Variants in VIT observed in about 807,000 individuals in gnomAD.
VIT encodes the protein vitrin.
A neutral mutation model predicts 78.0 loss-of-function variants in VIT; 99 were observed. That is an observed-to-expected ratio of 1.27 (90% confidence interval 1.08 to 1.50). The LOEUF (loss-of-function observed/expected upper bound fraction) is 1.50, where lower values mean the gene tolerates loss of function less well. VIT is among the 40% of genes most tolerant of loss of function. The pLI, the probability that VIT is intolerant of heterozygous loss-of-function variation, is 0.00. For missense variants in VIT, 1,126 were observed against 875.3 expected, an observed-to-expected ratio of 1.29 and a Z score of -3.61; for synonymous variants, 374 against 334.3, an observed-to-expected ratio of 1.12 and a Z score of -1.29.
At chr2:36,799,450 C>T (rs1330350127) in intron 12 of VIT, among the ~76,000 whole-genome samples, 3 of 152,190 alleles carry the variant, frequency 2.0e-5, no homozygotes, top group Non-Finnish European at 4.4e-5. Context: ...TGGTGGCTCA[C>T]ATCTGTAATC....
intron 3 of VIT, among the ~76,000 whole-genome samples, chr2:36,732,039 A>G (rs1299426060): frequency 1.3e-5 from 2 of 152,202 alleles, no homozygotes; most frequent in Non-Finnish European, 2.9e-5. Context: ...TTGTTTATTT[A>G]TTTCTGTCAG....
chr2:36,789,650 A>G (rs1334984200), intron 12 of VIT, among the ~76,000 whole-genome samples: 4 of 152,160 alleles, frequency 2.6e-5, no homozygotes, highest in African/African-American at 4.8e-5. Context: ...CGCTGTATGC[A>G]TGAGAGCACA....
chr2:36,738,041 C>A (rs556290069), intron 3 of VIT, among the ~76,000 whole-genome samples: 1 of 152,322 alleles, frequency 6.6e-6, no homozygotes, highest in South Asian at 2.1e-4. Flanking sequence ...GAAAATTACG[C>A]TAGAAGAGTT....
chr2:36,775,529 T>C (rs1246757044), intron 9 of VIT, among the ~76,000 whole-genome samples: 1 of 152,238 alleles, frequency 6.6e-6, no homozygotes, highest in Non-Finnish European at 1.5e-5. Flanking sequence ...TGCTGTATTC[T>C]GCTGAATGTA....
At chr2:36,698,454 A>G (rs1438650422) in intron 1 of VIT, among the ~76,000 whole-genome samples, 1 of 152,218 alleles carries the variant, frequency 6.6e-6, no homozygotes, top group Non-Finnish European at 1.5e-5. Context: ...GCGCCAAGCC[A>G]GGAGTCCTAA....
chr2:36,773,798 G>A lies in VIT; in HGVS notation c.687G>A (p.Trp229Ter). The change falls in exon 8 of 16, where the codon TGG (tryptophan) becomes TGA (stop). Residue 229 changes from tryptophan (W) to a stop codon, truncating the protein, a stop_gained. Transcript: ENST00000379242. LOFTEE classifies it high-confidence loss of function. The part of the protein sequence containing the change: ...VGHRSQEMDL[W>*]STATYTSSQN... The stretch of plus-strand genomic sequence containing the variant: ...AGTCAAATGTCCTTACAGATCTCTG[G>A]TCCACTGCCACCTACACAAGCAGCC... 1 of 1,599,624 alleles carries A rather than the reference G, an allele frequency of 6.3e-7. No homozygotes were observed. Among genetic ancestry groups the A allele is most frequent in the South Asian group, 1.1e-5 (1 of 88,094 alleles).
At chr2:36,752,567 A>T (rs554821684) in intron 4 of VIT, among the ~76,000 whole-genome samples, 2 of 152,316 alleles carry the variant, frequency 1.3e-5, no homozygotes, top group East Asian at 3.9e-4. Context: ...GATACAAATG[A>T]TGAGGTGGTA....
chr2:36,742,620 G>C (rs773188639), intron 3 of VIT, among the ~76,000 whole-genome samples: 2 of 152,050 alleles, frequency 1.3e-5, no homozygotes, highest in Non-Finnish European at 2.9e-5. Flanking sequence ...CTCCCACCAG[G>C]CCCCATAATG....
intron 6 of VIT, among the ~76,000 whole-genome samples, chr2:36,761,373 C>T (rs1032146407): frequency 6.6e-6 from 1 of 151,930 alleles, no homozygotes; most frequent in East Asian, 1.9e-4. Flanking sequence ...ATGGGGGTGT[C>T]GGGGGTGTTG....
intron 9 of VIT, among the ~76,000 whole-genome samples, chr2:36,775,302 T>C (rs1280997528): frequency 6.6e-6 from 1 of 152,200 alleles, no homozygotes; most frequent in Non-Finnish European, 1.5e-5. Context: ...AGGGCTGTCA[T>C]TACTTTATGT....
At chr2:36,731,714 C>T (rs1335060515) in intron 3 of VIT, among the ~76,000 whole-genome samples, 3 of 152,290 alleles carry the variant, frequency 2.0e-5, no homozygotes, top group South Asian at 4.1e-4. Context: ...TGTAAGCACA[C>T]TGGGATATCT....
intron 2 of VIT, among the ~76,000 whole-genome samples, chr2:36,716,717 G>A (rs1666158124): frequency 6.6e-6 from 1 of 152,006 alleles, no homozygotes; most frequent in Admixed American, 6.6e-5. Flanking sequence ...GTATTCCTCA[G>A]CAATTAGCAA....
At chr2:36,777,595 A>G (rs998019666) in intron 9 of VIT, among the ~76,000 whole-genome samples, 1 of 152,144 alleles carries the variant, frequency 6.6e-6, no homozygotes, top group East Asian at 1.9e-4. Flanking sequence ...CCACTGGCTC[A>G]TCTCCTACTG....
rs1328403438 is a variant in VIT at position 36,697,035 on chromosome 2, G to C, written c.-19+62G>C. On this transcript the variant is annotated intron_variant, in intron 1 of 15. Coordinates refer to ENST00000379242, the MANE Select transcript of VIT (RefSeq NM_053276.4). ...ACTTTCCATTCATTATCATTGAAAC[G>C]TATTTGTCTTTAAGAAACTACAATA... The C allele has an allele frequency of 3.3e-5, 5 of 152,086 alleles. No individual in the cohort carries two copies. The South Asian group carries it at 1.0e-3, about 31-fold the overall frequency. The allele number at this position is 152,086 out of a possible 1,614,324, so 9.4% of individuals were successfully genotyped here.
chr2:36,711,427 G>C (rs974313479), intron 1 of VIT, among the ~76,000 whole-genome samples: 2 of 152,122 alleles, frequency 1.3e-5, no homozygotes, highest in Non-Finnish European at 1.5e-5. Context: ...GATTGTCTTA[G>C]ACACAAGGGG....
At chr2:36,805,813 C>A in intron 14 of VIT, 149 bp downstream of exon 14, 1 of 813,910 alleles carries the variant, frequency 1.2e-6, no homozygotes, top group Non-Finnish European at 1.9e-6. Flanking sequence ...CTGGTCAATC[C>A]GAAACCTGCA....
At chr2:36,725,642 C>T (rs1666795718) in intron 2 of VIT, among the ~76,000 whole-genome samples, 1 of 151,856 alleles carries the variant, frequency 6.6e-6, no homozygotes, top group African/African-American at 2.4e-5. Context: ...ACCACAGTAG[C>T]TGAATAATCA....
chr2:36,775,850 T>A (rs1184716713), intron 9 of VIT, among the ~76,000 whole-genome samples: 1 of 152,182 alleles, frequency 6.6e-6, no homozygotes, highest in East Asian at 1.9e-4. Flanking sequence ...AGCTCCATTA[T>A]GGCTCCTACA....
chr2:36,798,392 AC>A (rs1181343098), intron 12 of VIT, among the ~76,000 whole-genome samples: 1 of 152,170 alleles, frequency 6.6e-6, no homozygotes, highest in African/African-American at 2.4e-5. Flanking sequence ...AATGGCCAGG[AC>A]CTGAGGGATG....
Sources: allele counts gnomAD v4.1 joint callset (sites outside exome capture counted in the v4.1 genomes callset), GRCh38; gene constraint gnomAD v4.1.1; transcripts MANE v1.5; gene names NCBI Gene and HGNC (gene_info 2026-07-23, HGNC 2026-07-21).